CFAP20DC: variants seen among roughly 807,000 people sequenced by gnomAD.
CFAP20DC encodes CFAP20 domain containing, also known as protein CFAP20DC.
In CFAP20DC, 84 loss-of-function variants were observed where a neutral mutation model predicts 101.7. The ratio of observed to expected loss-of-function variants is 0.83; its 90% CI spans 0.69 to 0.99. The LOEUF is 0.99. Ranked by LOEUF, CFAP20DC falls within the 50% of genes least tolerant of loss-of-function variation. The pLI, the probability that CFAP20DC is intolerant of heterozygous loss-of-function variation, is 0.00. For missense variants in CFAP20DC, 1,007 were observed against 970.3 expected (o/e 1.04, Z -0.50); for synonymous variants, 359 against 351.2 (o/e 1.02, Z -0.25).
In CFAP20DC at chr3:58,869,235, T is replaced by C. The variant is rs1321911425; in HGVS notation, c.1015+93A>G. On this transcript the variant is annotated intron_variant, in intron 9 of 16. Coordinates refer to ENST00000482387, the MANE Select transcript of CFAP20DC (RefSeq NM_001394063.1). This position sits in a 1 kb window ranked among gnomAD's most constrained non-coding sequence, Gnocchi z 4.3. ...AAATGACAATTCTCTAGACTTAAGA[T>C]CTAGACTTGAATATAACTGCTGATT... The C allele has an allele frequency of 4.9e-6, 5 of 1,020,618 alleles. No individual in the cohort carries two copies. Among genetic ancestry groups the C allele is most frequent in the Non-Finnish European group, 5.7e-6 (4 of 706,738 alleles). The allele number at this position is 1,020,618 out of a possible 1,614,324, so 63.2% of individuals were successfully genotyped here. A position where few individuals can be genotyped will look rare whatever the true frequency, so the allele number is the denominator to read the frequency against.
At chr3:58,757,375 T>TACAC (rs111878818) in intron 15 of CFAP20DC, among the ~76,000 whole-genome samples, 15 of 151,876 alleles carry the variant, frequency 9.9e-5, no homozygotes, top group African/African-American at 2.4e-4. Context: ...TGTACATACA[T>TACAC]ACACACACAC....
At chr3:59,003,199 C>T (rs2108772879) in intron 4 of CFAP20DC, among the ~76,000 whole-genome samples, 1 of 152,268 alleles carries the variant, frequency 6.6e-6, no homozygotes, top group Middle Eastern at 3.4e-3. Context: ...TTGTAACAAC[C>T]TAGTTGCTTA....
In CFAP20DC at chr3:58,926,847, T is replaced by C. The variant is rs111749893; in HGVS notation, c.393+10801A>G. 9.5e-4 allele frequency among the ~76,000 whole-genome samples: 144 copies of C among 152,338 alleles called. 1 individual carries two copies. The highest frequency in any genetic ancestry group is 3.4e-3 in the Middle Eastern group (1 of 294). On this transcript the variant is annotated intron_variant, in intron 5 of 16. Coordinates refer to ENST00000482387, the MANE Select transcript of CFAP20DC (RefSeq NM_001394063.1). Reference sequence around the variant, plus strand: ...AAGACTCTGGCATTGTAATTTATCATATCACTTTGTTATATCTCCAATGAA... The same window carrying C: ...AAGACTCTGGCATTGTAATTTATCACATCACTTTGTTATATCTCCAATGAA...
chr3:58,793,085 A>C (rs2107645034), intron 15 of CFAP20DC, among the ~76,000 whole-genome samples: 1 of 152,264 alleles, frequency 6.6e-6, no homozygotes, highest in Admixed American at 6.5e-5. Flanking sequence ...AAATATGTTG[A>C]TGATTTACAA....
intron 6 of CFAP20DC, among the ~76,000 whole-genome samples, chr3:58,905,337 A>G (rs2083491471): frequency 6.6e-6 from 1 of 152,140 alleles, no homozygotes; most frequent in African/African-American, 2.4e-5. Flanking sequence ...ATCTATCTAA[A>G]TATGCATTCT....
At chr3:59,032,509 G>C (rs928440485) in intron 4 of CFAP20DC, among the ~76,000 whole-genome samples, 1 of 151,888 alleles carries the variant, frequency 6.6e-6, no homozygotes, top group African/African-American at 2.4e-5. Context: ...CGAGCTTGGT[G>C]GGGGGAGGGG....
At chr3:58,947,398 T>C (rs562357645) in intron 4 of CFAP20DC, among the ~76,000 whole-genome samples, 3 of 152,306 alleles carry the variant, frequency 2.0e-5, no homozygotes, top group South Asian at 4.1e-4. Flanking sequence ...CATGGGCTTA[T>C]GGGGGCATCG....
At chr3:58,948,500 C>A (rs1027978185) in intron 4 of CFAP20DC, among the ~76,000 whole-genome samples, 1 of 152,182 alleles carries the variant, frequency 6.6e-6, no homozygotes, top group African/African-American at 2.4e-5. Context: ...CAAATATGCA[C>A]ATCTTTTCCT....
chr3:58,762,982 A>C (rs2069808252), intron 15 of CFAP20DC, among the ~76,000 whole-genome samples: 1 of 151,892 alleles, frequency 6.6e-6, no homozygotes, highest in Non-Finnish European at 1.5e-5. Context: ...TTTTTCCTTC[A>C]TTTCAACTTT....
At chr3:58,870,756 C>T (rs1297752851) in intron 7 of CFAP20DC, among the ~76,000 whole-genome samples, 6 of 148,474 alleles carry the variant, frequency 4.0e-5, no homozygotes, top group East Asian at 2.0e-4. Flanking sequence ...GGCGCGGTGG[C>T]GGGCGCCTGT....
Position 58,870,243 on chromosome 3 carries a change from G to A in CFAP20DC, c.782C>T (p.Ala261Val). The change falls in exon 8 of 17, where the codon GCA becomes GTA. Residue 261 changes from alanine (A) to valine (V), a missense_variant. Transcript: ENST00000482387. ...TGGCCCAAGAACTTTGGATCCAAAT[G>A]CGATATGACAAACATCTTGATTTTT... ...NSKNQDVCHI[A>V]FGSKVLGPPP... is the part of the protein sequence containing the mutation. 13 of 1,613,854 alleles carry A rather than the reference G, an allele frequency of 8.1e-6. No homozygotes were observed. The highest frequency in any genetic ancestry group is 1.1e-5 in the Non-Finnish European group (13 of 1,179,808).
intron 15 of CFAP20DC, among the ~76,000 whole-genome samples, chr3:58,784,969 T>C (rs1219216411): frequency 6.6e-6 from 1 of 152,084 alleles, no homozygotes; most frequent in East Asian, 1.9e-4. Context: ...ATCAAAGGGA[T>C]ACCTGCACTT....
chr3:58,776,296 A>T (rs986558762), intron 15 of CFAP20DC, among the ~76,000 whole-genome samples: 1 of 152,210 alleles, frequency 6.6e-6, no homozygotes, highest in Non-Finnish European at 1.5e-5. Flanking sequence ...ATGAAGACAC[A>T]GATGCAGGAA....
rs530679923 is a variant in CFAP20DC at position 58,913,446 on chromosome 3, A to G, written c.550+262T>C. On this transcript the variant is annotated intron_variant, in intron 6 of 16. Coordinates refer to ENST00000482387, the MANE Select transcript of CFAP20DC (RefSeq NM_001394063.1). The surrounding 1 kb of genome is among the most constrained non-coding windows in gnomAD (Gnocchi z 4.4). ...AGGATTATGTTGTTTGTAACTAAGG[A>G]GCCTAAGACAGATAGCAAGTGTTAC... is the stretch of plus-strand genomic sequence containing the variant. 5.2e-6 allele frequency: 3 copies of G among 578,666 alleles called. No homozygotes were observed. The highest frequency in any genetic ancestry group is 1.9e-5 in the African/African-American group (1 of 53,304). 35.8% of individuals were successfully genotyped at this position (578,666 alleles called of 1,614,324 possible).
At chr3:58,860,696 C>T (rs1355049431) in intron 12 of CFAP20DC, among the ~76,000 whole-genome samples, 1 of 152,078 alleles carries the variant, frequency 6.6e-6, no homozygotes, top group Non-Finnish European at 1.5e-5. Flanking sequence ...GCTGCAAAAC[C>T]AGGTGTATAC....
intron 4 of CFAP20DC, among the ~76,000 whole-genome samples, chr3:58,959,397 G>C (rs1478628584): frequency 6.6e-6 from 1 of 152,166 alleles, no homozygotes; most frequent in Non-Finnish European, 1.5e-5. Context: ...TCTGGCCAAA[G>C]TCTTATATTT....
intron 4 of CFAP20DC, among the ~76,000 whole-genome samples, chr3:58,982,945 A>G (rs755103641): frequency 5.3e-5 from 8 of 152,176 alleles, no homozygotes; most frequent in Admixed American, 1.3e-4. Flanking sequence ...GAAAAGAGTA[A>G]GGTAAGGAAA....
At chr3:58,852,800 C>T (rs1385317301) in intron 12 of CFAP20DC, among the ~76,000 whole-genome samples, 25 of 150,848 alleles carry the variant, frequency 1.7e-4, no homozygotes, top group Admixed American at 1.5e-3. Context: ...AACAAAGACA[C>T]AACATACCAG....
At chr3:58,811,315 C>G (rs1360362819) in intron 14 of CFAP20DC, among the ~76,000 whole-genome samples, 2 of 152,098 alleles carry the variant, frequency 1.3e-5, no homozygotes, top group Non-Finnish European at 2.9e-5. Context: ...TACTACAAGG[C>G]TACAGTAACC....
Sources: gnomAD v4.1 joint callset for allele counts (sites outside exome capture counted in the v4.1 genomes callset) on GRCh38, gnomAD v4.1.1 for gene constraint, Gnocchi (gnomAD v3.1) non-coding constraint, MANE v1.5 for transcripts, NCBI Gene and HGNC (gene_info 2026-07-23, HGNC 2026-07-21) for gene names.